The following ARHGAP26 variants were observed in gnomAD, a reference collection of about 807,000 sequenced individuals.
ARHGAP26 encodes rho GTPase-activating protein 26.
A neutral mutation model predicts 104.8 loss-of-function variants in ARHGAP26; 38 were observed. The ratio of observed to expected loss-of-function variants is 0.36; its 90% CI spans 0.28 to 0.48. The LOEUF (loss-of-function observed/expected upper bound fraction) is 0.48, where lower values mean the gene tolerates loss of function less well. ARHGAP26 is among the 20% of genes least tolerant of loss of function. The probability of loss-of-function intolerance (pLI) is 0.99; values close to 1 mark genes in which losing one functional copy is unlikely to be tolerated. For missense variants in ARHGAP26, 704 were observed against 947.9 expected (o/e 0.74, Z 3.38); for synonymous variants, 341 against 340.0 (o/e 1.00, Z -0.03).
At chr5:143,088,519 C>T (rs924733447) in intron 17 of ARHGAP26, among the ~76,000 whole-genome samples, 4 of 151,822 alleles carry the variant, frequency 2.6e-5, no homozygotes, top group African/African-American at 9.7e-5. Context: ...TAAGGACCTC[C>T]TATAACATTT....
chr5:143,006,583 C>G (rs1218081617), intron 11 of ARHGAP26, among the ~76,000 whole-genome samples: 1 of 152,116 alleles, frequency 6.6e-6, no homozygotes, highest in Non-Finnish European at 1.5e-5. Context: ...GAAAGCCTGG[C>G]AGAGTATTGT....
chr5:143,182,276 G>C (rs941169959), intron 20 of ARHGAP26, among the ~76,000 whole-genome samples: 1 of 152,186 alleles, frequency 6.6e-6, no homozygotes, highest in African/African-American at 2.4e-5. Flanking sequence ...CTGGGAGTTG[G>C]CCTTATCTTG....
intron 20 of ARHGAP26, among the ~76,000 whole-genome samples, chr5:143,174,994 A>C (rs950132767): frequency 6.6e-6 from 1 of 152,172 alleles, no homozygotes; most frequent in Non-Finnish European, 1.5e-5. Flanking sequence ...CTACATTTCA[A>C]ATTTGATGTG....
chr5:143,132,814 T>C (rs553737474), intron 18 of ARHGAP26, among the ~76,000 whole-genome samples: 19 of 150,304 alleles, frequency 1.3e-4, no homozygotes, highest in African/African-American at 4.6e-4. Context: ...GTTGATTGAA[T>C]GAATGAGCAT....
At chr5:143,161,872 G>C (rs1740356688) in intron 20 of ARHGAP26, among the ~76,000 whole-genome samples, 1 of 152,186 alleles carries the variant, frequency 6.6e-6, no homozygotes, top group South Asian at 2.1e-4. Context: ...GGAAAGCCCT[G>C]TTCAGTCTAT....
intron 17 of ARHGAP26, among the ~76,000 whole-genome samples, chr5:143,115,967 C>T (rs1795381452): frequency 6.6e-6 from 1 of 151,392 alleles, no homozygotes. Flanking sequence ...ATATAAGTGG[C>T]TCATGAAAAC....
Position 143,223,333 on chromosome 5 carries a change from T to G in ARHGAP26, c.*887T>G, listed in dbSNP as rs1156427928. The G allele has an allele frequency of 4.3e-6, 1 of 233,120 alleles. No individual in the cohort carries two copies. The highest frequency in any genetic ancestry group is 1.8e-4 in the South Asian group (1 of 5,528). 14.4% of individuals were successfully genotyped at this position (233,120 alleles called of 1,614,324 possible). A position where few individuals can be genotyped will look rare whatever the true frequency, so the allele number is the denominator to read the frequency against. Reference sequence around the variant, plus strand: ...TACTTGAGGCAGATGGGATAGTAGCTGGGAACTGTTCCCTTTCTGATTAAT... The same window carrying G: ...TACTTGAGGCAGATGGGATAGTAGCGGGGAACTGTTCCCTTTCTGATTAAT... On this transcript the variant is annotated 3_prime_UTR_variant, in exon 23 of 23. Transcript: ENST00000645722.
intron 12 of ARHGAP26, among the ~76,000 whole-genome samples, chr5:143,028,081 T>G (rs1210730776): frequency 6.6e-6 from 1 of 152,200 alleles, no homozygotes; most frequent in African/African-American, 2.4e-5. Flanking sequence ...TTAAATAAAA[T>G]CTTGGTTCCA....
At chr5:143,180,263 C>G (rs1349427115) in intron 20 of ARHGAP26, among the ~76,000 whole-genome samples, 2 of 152,048 alleles carry the variant, frequency 1.3e-5, no homozygotes, top group African/African-American at 2.4e-5. Flanking sequence ...GGGGCTGGGA[C>G]TACAGGTGCA....
intron 17 of ARHGAP26, among the ~76,000 whole-genome samples, chr5:143,068,176 TAAAAAA>T (rs1434259201): frequency 6.6e-6 from 1 of 151,864 alleles, no homozygotes; most frequent in Non-Finnish European, 1.5e-5. Flanking sequence ...AGAAATAAAA[TAAAAAA>T]TAAAAGGAAT....
chr5:142,984,432 T>C (rs907324335), intron 11 of ARHGAP26, among the ~76,000 whole-genome samples: 6 of 152,200 alleles, frequency 3.9e-5, no homozygotes, highest in African/African-American at 1.4e-4. Context: ...GTTGAGTGAC[T>C]TAGAAACTCC....
intron 1 of ARHGAP26, among the ~76,000 whole-genome samples, chr5:142,811,892 C>T (rs559382541): frequency 6.6e-6 from 1 of 152,276 alleles, no homozygotes; most frequent in Non-Finnish European, 1.5e-5. Flanking sequence ...ATTTCTTGGC[C>T]TCTAAGTAAT....
chr5:143,091,142 A>T (rs1791368379), intron 17 of ARHGAP26, among the ~76,000 whole-genome samples: 1 of 152,216 alleles, frequency 6.6e-6, no homozygotes, highest in African/African-American at 2.4e-5. Context: ...CCCTGGGACT[A>T]TGGCCCACGA....
intron 17 of ARHGAP26, among the ~76,000 whole-genome samples, chr5:143,091,050 CA>C (rs1791353001): frequency 6.6e-6 from 1 of 152,106 alleles, no homozygotes; most frequent in Admixed American, 6.5e-5. Context: ...AGATGGTCAG[CA>C]ATAGAGCGAG....
intron 17 of ARHGAP26, among the ~76,000 whole-genome samples, chr5:143,069,813 C>G (rs1787994795): frequency 6.6e-6 from 1 of 152,156 alleles, no homozygotes; most frequent in African/African-American, 2.4e-5. Flanking sequence ...TATTATGCAT[C>G]ATTATGTGGA....
chr5:143,185,788 G>A (rs1805048597), intron 20 of ARHGAP26, among the ~76,000 whole-genome samples: 1 of 152,188 alleles, frequency 6.6e-6, no homozygotes. Flanking sequence ...TTTCAAAAGA[G>A]GGGAGTGAGG....
rs1195283463 is a variant in ARHGAP26 at position 143,007,785 on chromosome 5, A to G, written c.1108-6295A>G. ...GGTGTTTGGCACATAATTGATAGTG[A>G]AAAAGTGGTTGGTGGCAGGTGGCTA... On this transcript the variant is annotated intron_variant, in intron 11 of 22. Transcript: ENST00000645722. Among the ~76,000 whole-genome samples the G allele has an allele frequency of 2.7e-5, 4 of 150,248 alleles. 1 individual carries two copies. Among genetic ancestry groups the G allele is most frequent in the African/African-American group, 4.9e-5 (2 of 40,952 alleles).
chr5:142,790,449 A>T (rs1013137902), intron 1 of ARHGAP26, among the ~76,000 whole-genome samples: 1 of 152,222 alleles, frequency 6.6e-6, no homozygotes, highest in African/African-American at 2.4e-5. Context: ...CTGGAACCTT[A>T]GTGATCTTGG....
At chr5:142,927,093 C>G (rs937613428) in intron 10 of ARHGAP26, among the ~76,000 whole-genome samples, 10 of 152,076 alleles carry the variant, frequency 6.6e-5, no homozygotes, top group African/African-American at 2.4e-4. Flanking sequence ...CTAGGAAGCA[C>G]TAGAATCAGG....
Sources: allele counts gnomAD v4.1 joint callset (sites outside exome capture counted in the v4.1 genomes callset), GRCh38; gene constraint gnomAD v4.1.1; transcripts MANE v1.5; gene names NCBI Gene and HGNC (gene_info 2026-07-23, HGNC 2026-07-21).